Variants in KIR3DL2 observed in about 807,000 individuals in gnomAD.
KIR3DL2 encodes killer cell immunoglobulin like receptor, three Ig domains and long cytoplasmic tail 2.
Under a neutral mutation model 41.6 loss-of-function variants are expected in KIR3DL2, and 42 were observed. The ratio of observed to expected loss-of-function variants is 1.01; its 90% CI spans 0.79 to 1.31. The LOEUF is 1.31. Among genes scored for constraint, KIR3DL2 ranks in the 50% most tolerant of loss-of-function variants. The pLI, the probability that KIR3DL2 is intolerant of heterozygous loss-of-function variation, is 0.00. For synonymous variants in KIR3DL2, 230 were observed against 221.3 expected, an observed-to-expected ratio of 1.04 and a Z score of -0.35; for missense variants, 728 against 576.8, an observed-to-expected ratio of 1.26 and a Z score of -2.68.
Position 54,866,658 on chromosome 19 carries a change from C to G in KIR3DL2, c.1295C>G (p.Pro432Arg), listed in dbSNP as rs1303624425. ...LTDTSVYTEL[P>R]NAEPRSKVVS... ...GATACCAGCGTGTACACGGAACTTC[C>G]AAATGCTGAGCCCAGATCCAAAGTT... is the stretch of plus-strand genomic sequence containing the variant. The change falls in exon 9 of 9, where the codon CCA becomes CGA. Residue 432 changes from proline (P) to arginine (R), a missense_variant. Transcript: ENST00000326321. 6.2e-7 allele frequency: 1 copy of G among 1,613,988 alleles called. No homozygotes were observed. The highest frequency in any genetic ancestry group is 1.1e-5 in the South Asian group (1 of 91,082).
At chr19:54,850,694 G>A (rs1318653353) in intron 1 of KIR3DL2, among the ~76,000 whole-genome samples, 185 bp downstream of exon 1, 1 of 145,602 alleles carries the variant, frequency 6.9e-6, no homozygotes, top group African/African-American at 2.6e-5. Context: ...GGGGAGATAT[G>A]GGCCTGGGTG....
chr19:54,858,449 C>A (rs1319910789), intron 5 of KIR3DL2, among the ~76,000 whole-genome samples: 4,323 of 147,408 alleles, frequency 0.029, 217 homozygotes, highest in African/African-American at 0.11. Flanking sequence ...ATTAAATGGG[C>A]TGGGTATGGT....
chr19:54,865,327 G>A lies in KIR3DL2; in HGVS notation c.1001-478G>A, dbSNP rs1351941561. Among the ~76,000 whole-genome samples the A allele has an allele frequency of 2.0e-5, 3 of 152,034 alleles. No homozygotes were observed. The East Asian group carries it at 5.8e-4, about 29-fold the overall frequency. ...TGCTCCCACTCTGGCAGAAGGGAAG[G>A]AGGGTCTGTCTGTGCAGAGACCACA... On this transcript the variant is annotated intron_variant, in intron 6 of 8. Transcript: ENST00000326321.
intron 1 of KIR3DL2, 133 bp from the exon 2 acceptor site, chr19:54,851,087 G>A (rs2064187800): frequency 1.8e-6 from 2 of 1,122,666 alleles, no homozygotes; most frequent in Admixed American, 1.7e-5. Flanking sequence ...GTTCTTGGCA[G>A]CAGGTAGCAG....
intron 4 of KIR3DL2, 137 bp downstream of exon 4, chr19:54,854,183 C>A (rs1469580214): frequency 2.7e-6 from 3 of 1,094,438 alleles, no homozygotes; most frequent in Non-Finnish European, 4.1e-6. Flanking sequence ...GAGGTCTGTA[C>A]CAACAGAGAC....
At chr19:54,851,501 AG>A (rs2064234061) in intron 2 of KIR3DL2, among the ~76,000 whole-genome samples, 1 of 151,358 alleles carries the variant, frequency 6.6e-6, no homozygotes, top group South Asian at 2.1e-4. Flanking sequence ...TGGTGTCAGC[AG>A]CAGAGAAAGA....
intron 2 of KIR3DL2, among the ~76,000 whole-genome samples, 200 bp from the exon 3 acceptor site, chr19:54,851,798 T>C (rs779750724): frequency 1.8e-4 from 28 of 151,974 alleles, no homozygotes; most frequent in East Asian, 5.8e-4. Flanking sequence ...AGTCACTTAT[T>C]CAGCACTTGC....
intron 6 of KIR3DL2, among the ~76,000 whole-genome samples, chr19:54,862,725 G>A (rs557796162): frequency 3.8e-4 from 57 of 150,450 alleles, no homozygotes; most frequent in Admixed American, 2.0e-4. Flanking sequence ...GTTCTGAGAC[G>A]TTCCTCCTGA....
At chr19:54,858,819 C>T (rs2064978203) in intron 5 of KIR3DL2, among the ~76,000 whole-genome samples, 1 of 151,960 alleles carries the variant, frequency 6.6e-6, no homozygotes, top group Admixed American at 6.6e-5. Flanking sequence ...TTCTTTATGC[C>T]AATGTCATGC....
chr19:54,852,660 G>A (rs1164714680), intron 3 of KIR3DL2, among the ~76,000 whole-genome samples: 1 of 151,234 alleles, frequency 6.6e-6, no homozygotes, highest in Non-Finnish European at 1.5e-5. Context: ...TGTAGTGGGA[G>A]GGAGACGCTA....
chr19:54,852,339 C>T (rs1161291047), intron 3 of KIR3DL2, 57 bp downstream of exon 3: 21 of 1,583,100 alleles, frequency 1.3e-5, no homozygotes, highest in Non-Finnish European at 1.8e-5. Flanking sequence ...CCCAGAGCTT[C>T]TGGTGGGGGT....
chr19:54,852,302 G>A lies in KIR3DL2; in HGVS notation c.355+20G>A. On this transcript the variant is annotated intron_variant, in intron 3 of 8. Coordinates refer to ENST00000326321, the MANE Select transcript of KIR3DL2 (RefSeq NM_006737.4). ...TCACAGGTCAGAGGCTTTCTGTCTG[G>A]GCTTCTCACTGTCCCACCTCCTGAA... is the stretch of plus-strand genomic sequence containing the variant. 1.3e-6 allele frequency: 2 copies of A among 1,599,992 alleles called. No individual in the cohort carries two copies. Among genetic ancestry groups the A allele is most frequent in the South Asian group, 2.2e-5 (2 of 90,914 alleles).
chr19:54,866,481 A>G lies in KIR3DL2; in HGVS notation c.1159-41A>G, dbSNP rs374304467. ...GTCTTATCCCTAATAGTCCTGAAAAATGTGAGCACCCTCCCTCACTCAGCA... is the reference window on the plus strand; with the variant it reads ...GTCTTATCCCTAATAGTCCTGAAAAGTGTGAGCACCCTCCCTCACTCAGCA... On this transcript the variant is annotated intron_variant, in intron 8 of 8. Coordinates refer to ENST00000326321, the MANE Select transcript of KIR3DL2 (RefSeq NM_006737.4). 2.9e-5 allele frequency: 47 copies of G among 1,613,870 alleles called. No homozygotes were observed. In the African/African-American group the frequency reaches 5.6e-4, roughly 19 times the overall value.
chr19:54,854,157 G>C, intron 4 of KIR3DL2, 111 bp downstream of exon 4: 1 of 1,333,620 alleles, frequency 7.5e-7, no homozygotes, highest in Non-Finnish European at 1.1e-6. Context: ...TTCTTATGGA[G>C]AGAGACTGAC....
intron 5 of KIR3DL2, among the ~76,000 whole-genome samples, chr19:54,857,520 C>A (rs1306058815): frequency 1.4e-5 from 2 of 147,510 alleles, no homozygotes; most frequent in Non-Finnish European, 3.0e-5. Flanking sequence ...GCCTGTCTTG[C>A]AGATAAAAGC....
At chr19:54,859,605 C>T (rs2065031531) in intron 6 of KIR3DL2, among the ~76,000 whole-genome samples, 2 of 151,812 alleles carry the variant, frequency 1.3e-5, no homozygotes, top group African/African-American at 4.8e-5. Flanking sequence ...ACGCACACTT[C>T]GACTCAGTGA....
intron 2 of KIR3DL2, among the ~76,000 whole-genome samples, chr19:54,851,538 G>A (rs2064237110): frequency 1.3e-5 from 2 of 151,518 alleles, no homozygotes; most frequent in Non-Finnish European, 2.9e-5. Context: ...AGGAACAGCA[G>A]GTCCTCTGAG....
intron 7 of KIR3DL2, 89 bp downstream of exon 7, chr19:54,865,998 G>A: frequency 8.1e-7 from 1 of 1,239,222 alleles, no homozygotes; most frequent in Non-Finnish European, 1.2e-6. Context: ...TCACTGGCAG[G>A]ATGGTCCCTG....
At chr19:54,855,484 A>G in intron 4 of KIR3DL2, 135 bp from the exon 5 acceptor site, 1 of 1,332,958 alleles carries the variant, frequency 7.5e-7, no homozygotes. Context: ...ATAGACATGA[A>G]GAGAGTTGGG....
Sources: gnomAD v4.1 joint callset for allele counts (sites outside exome capture counted in the v4.1 genomes callset) on GRCh38, gnomAD v4.1.1 for gene constraint, MANE v1.5 for transcripts, NCBI Gene and HGNC (gene_info 2026-07-23, HGNC 2026-07-21) for gene names.